Variants in CDH18 observed in about 807,000 individuals in gnomAD.
CDH18 encodes cadherin 18.
A neutral mutation model predicts 67.9 loss-of-function variants in CDH18; 31 were observed. The observed-to-expected ratio is 0.46, with a 90% CI of 0.34 to 0.62. The LOEUF (loss-of-function observed/expected upper bound fraction) is 0.62, where lower values mean the gene tolerates loss of function less well. CDH18 is among the 20% of genes least tolerant of loss of function. CDH18 has a pLI of 0.01. For missense variants in CDH18, 890 were observed against 975.5 expected, an observed-to-expected ratio of 0.91 and a Z score of 1.17; for synonymous variants, 362 against 347.2, an observed-to-expected ratio of 1.04 and a Z score of -0.48.
intron 1 of CDH18, among the ~76,000 whole-genome samples, chr5:20,505,011 G>C (rs1294903263): frequency 6.6e-6 from 1 of 151,844 alleles, no homozygotes; most frequent in East Asian, 1.9e-4. Flanking sequence ...TCGTGATCCA[G>C]CCGCTTCGGC....
At chr5:19,607,693 T>C (rs1442111664) in intron 6 of CDH18, among the ~76,000 whole-genome samples, 1 of 151,336 alleles carries the variant, frequency 6.6e-6, no homozygotes, top group African/African-American at 2.4e-5. Flanking sequence ...TAATGTCATT[T>C]TAAACTAAAC....
intron 2 of CDH18, among the ~76,000 whole-genome samples, chr5:19,955,192 C>T (rs1796147864): frequency 6.6e-6 from 1 of 152,024 alleles, no homozygotes; most frequent in Non-Finnish European, 1.5e-5. Context: ...CTGAGGCCTC[C>T]CCAGTTATGC....
chr5:19,682,749 T>G (rs1425155342), intron 5 of CDH18, among the ~76,000 whole-genome samples: 1 of 152,084 alleles, frequency 6.6e-6, no homozygotes, highest in Non-Finnish European at 1.5e-5. Flanking sequence ...GGGATAATAT[T>G]TGCCCAAAAA....
chr5:20,433,250 A>G (rs1299755635), intron 1 of CDH18, among the ~76,000 whole-genome samples: 2 of 151,420 alleles, frequency 1.3e-5, no homozygotes, highest in Non-Finnish European at 2.9e-5. Flanking sequence ...ATATATACAC[A>G]TAATATATGT....
intron 2 of CDH18, among the ~76,000 whole-genome samples, chr5:20,211,287 C>CT (rs1740332768): frequency 6.6e-6 from 1 of 152,226 alleles, no homozygotes; most frequent in East Asian, 1.9e-4. Flanking sequence ...TGAGGCCTGC[C>CT]TGCCTCTGTA....
At chr5:20,337,026 T>C (rs1739837633) in intron 1 of CDH18, among the ~76,000 whole-genome samples, 1 of 152,160 alleles carries the variant, frequency 6.6e-6, no homozygotes, top group Non-Finnish European at 1.5e-5. Flanking sequence ...GCAAAGCCCA[T>C]AGAAGACTTC....
At chr5:19,980,071 C>T (rs1218460599) in intron 2 of CDH18, among the ~76,000 whole-genome samples, 1 of 152,112 alleles carries the variant, frequency 6.6e-6, no homozygotes, top group Non-Finnish European at 1.5e-5. Context: ...AAGACTACTC[C>T]AGAAAGCTCC....
At chr5:19,969,718 T>G (rs181357477) in intron 2 of CDH18, among the ~76,000 whole-genome samples, 1 of 142,630 alleles carries the variant, frequency 7.0e-6, no homozygotes, top group African/African-American at 2.6e-5. Flanking sequence ...CGGGGAGGGA[T>G]AGCATTAGGA....
chr5:20,173,844 T>G (rs2126659849), intron 2 of CDH18, among the ~76,000 whole-genome samples: 1 of 152,316 alleles, frequency 6.6e-6, no homozygotes, highest in Non-Finnish European at 1.5e-5. Context: ...AGTTTATCAC[T>G]ATTGAATTTA....
At chr5:19,941,790 AAAAAAAC>A (rs1794849228) in intron 2 of CDH18, among the ~76,000 whole-genome samples, 2 of 152,054 alleles carry the variant, frequency 1.3e-5, no homozygotes, top group South Asian at 2.1e-4. Context: ...CTGCCTCTCA[AAAAAAAC>A]AAAAAACAAA....
In CDH18 at chr5:19,786,731, T is replaced by C. The variant is rs141067715; in HGVS notation, c.229-39495A>G. Among the ~76,000 whole-genome samples the C allele has an allele frequency of 3.7e-3, 568 of 152,268 alleles. 7 individuals are homozygous for C. The highest frequency in any genetic ancestry group is 3.5e-3 in the Non-Finnish European group (240 of 68,024). On this transcript the variant is annotated intron_variant, in intron 3 of 12. Transcript: ENST00000382275. The stretch of plus-strand genomic sequence containing the variant: ...ACCACACATTTTACATTGGACACAG[T>C]ATTAATGTGCACCTAGAGAAAATCC...
chr5:20,518,053 C>A (rs967635337), intron 1 of CDH18, among the ~76,000 whole-genome samples: 4 of 151,954 alleles, frequency 2.6e-5, no homozygotes, highest in African/African-American at 2.4e-5. Flanking sequence ...ACAGTAGTTA[C>A]CCTGATTCTG....
At chr5:20,506,822 T>C (rs1410280214) in intron 1 of CDH18, among the ~76,000 whole-genome samples, 1 of 152,232 alleles carries the variant, frequency 6.6e-6, no homozygotes, top group Non-Finnish European at 1.5e-5. Context: ...GAGGATGTTT[T>C]CCTTTATTCC....
intron 2 of CDH18, among the ~76,000 whole-genome samples, chr5:20,059,964 G>T (rs1742316427): frequency 6.6e-6 from 1 of 151,690 alleles, no homozygotes; most frequent in Non-Finnish European, 1.5e-5. Flanking sequence ...ATCACACACT[G>T]GGGCTTGTCG....
intron 2 of CDH18, among the ~76,000 whole-genome samples, chr5:20,047,083 T>A (rs935424127): frequency 1.3e-5 from 2 of 151,080 alleles, no homozygotes; most frequent in Non-Finnish European, 3.0e-5. Context: ...CAAGAGAGAG[T>A]ATAAAATGGT....
chr5:20,213,413 T>C (rs1740509902), intron 2 of CDH18, among the ~76,000 whole-genome samples: 1 of 152,106 alleles, frequency 6.6e-6, no homozygotes, highest in Non-Finnish European at 1.5e-5. Context: ...TTAGGGAGAA[T>C]TCCCTTTTAG....
At chr5:20,042,690 G>A (rs895493695) in intron 2 of CDH18, among the ~76,000 whole-genome samples, 4 of 152,116 alleles carry the variant, frequency 2.6e-5, no homozygotes, top group South Asian at 2.1e-4. Flanking sequence ...TGGGCCGGGT[G>A]CGGTGGCTCA....
chr5:20,365,965 C>CA lies in CDH18; in HGVS notation c.-579-110461_-579-110460insT, dbSNP rs147327275. Among the ~76,000 whole-genome samples, 3,450 of 152,188 alleles carry CA rather than the reference C, an allele frequency of 0.023. 262 individuals are homozygous for CA. The East Asian group carries it at 0.3, about 13-fold the overall frequency. On this transcript the variant is annotated intron_variant, in intron 1 of 14. Coordinates refer to the CDH18 transcript ENST00000507958. ...TGCCTGGTCTATAAATAACAAGTTG[C>CA]TTAATATGGTCTCTGAAGATATCTT...
intron 5 of CDH18, among the ~76,000 whole-genome samples, chr5:19,665,205 C>T (rs548345579): frequency 1.1e-4 from 17 of 151,916 alleles, no homozygotes; most frequent in East Asian, 7.7e-4. Context: ...ATTAAATAAA[C>T]GATGTCAAAA....
Sources: gnomAD v4.1 joint callset for allele counts (sites outside exome capture counted in the v4.1 genomes callset) on GRCh38, gnomAD v4.1.1 for gene constraint, MANE v1.5 for transcripts, NCBI Gene and HGNC (gene_info 2026-07-23, HGNC 2026-07-21) for gene names.